The following RERE variants were observed in gnomAD, a reference collection of about 807,000 sequenced individuals.
RERE encodes the protein arginine-glutamic acid dipeptide repeats protein.
In RERE, 40 loss-of-function variants were observed where a neutral mutation model predicts 146.1. That is an observed-to-expected ratio of 0.27 (90% CI 0.21 to 0.36). The LOEUF (loss-of-function observed/expected upper bound fraction) is 0.36, where lower values mean the gene tolerates loss of function less well. Among genes scored for constraint, RERE ranks in the 10% least tolerant of loss-of-function variants. The probability of loss-of-function intolerance (pLI) is 1.00; values close to 1 mark genes in which losing one functional copy is unlikely to be tolerated. For synonymous variants in RERE, 1,003 were observed against 866.0 expected (o/e 1.16, Z -2.78); for missense variants, 1,933 against 2,138.7 (o/e 0.90, Z 1.90).
intron 11 of RERE, among the ~76,000 whole-genome samples, chr1:8,459,452 ATG>A (rs1228421043): frequency 1.3e-5 from 2 of 152,232 alleles, no homozygotes; most frequent in Non-Finnish European, 2.9e-5. Flanking sequence ...TCAATTTAAA[ATG>A]TACTAAGTAC....
chr1:8,420,296 A>AAG (rs555165121), intron 12 of RERE, among the ~76,000 whole-genome samples: 1 of 152,066 alleles, frequency 6.6e-6, no homozygotes, highest in Non-Finnish European at 1.5e-5. Flanking sequence ...CTCATTAAAA[A>AAG]AGAGAGAGAG....
chr1:8,486,125 A>G (rs1408217357), intron 10 of RERE, among the ~76,000 whole-genome samples: 2 of 152,118 alleles, frequency 1.3e-5, no homozygotes, highest in East Asian at 3.9e-4. Flanking sequence ...ACTTTCATAC[A>G]TGTCTCTCAG....
intron 12 of RERE, among the ~76,000 whole-genome samples, chr1:8,367,047 A>T (rs1399758386): frequency 6.6e-6 from 1 of 152,138 alleles, no homozygotes; most frequent in Non-Finnish European, 1.5e-5. Flanking sequence ...AGATGCTGGG[A>T]GTTGTCTTGG....
Position 8,511,292 on chromosome 1 carries a change from G to C in RERE, c.831-2617C>G, listed in dbSNP as rs1570368603. Among the ~76,000 whole-genome samples the C allele has an allele frequency of 2.0e-5, 3 of 152,154 alleles. No individual in the cohort carries two copies. The South Asian group carries it at 6.2e-4, about 32-fold the overall frequency. Reference sequence around the variant, plus strand: ...TTGAAAATTGTTTAAGTTTATAACAGGGAAGAGTACTAATAAGTAGGCTAT... The same window carrying C: ...TTGAAAATTGTTTAAGTTTATAACACGGAAGAGTACTAATAAGTAGGCTAT... On this transcript the variant is annotated intron_variant, in intron 7 of 22. Coordinates refer to ENST00000400908, the MANE Select transcript of RERE (RefSeq NM_001042681.2).
intron 1 of RERE, among the ~76,000 whole-genome samples, chr1:8,679,376 A>G (rs554869551): frequency 6.6e-6 from 1 of 152,328 alleles, no homozygotes; most frequent in South Asian, 2.1e-4. Context: ...AGGAAAAAAG[A>G]GCAAGAAACC....
rs1336368211 is a variant in RERE at position 8,796,002 on chromosome 1, AAC to A, written c.-145+21156_-145+21157del. 1.6e-3 allele frequency among the ~76,000 whole-genome samples: 244 copies of A among 151,020 alleles called. 7 individuals carry two copies. The highest frequency in any genetic ancestry group is 5.2e-3 in the African/African-American group (214 of 41,128). ...CGTCTCAAAAAAAAAAAAAAAACAA[AAC>A]AAAACAGGAATTATGTAGCATATAT... On this transcript the variant is annotated intron_variant, in intron 1 of 22. Transcript: ENST00000400908.
chr1:8,761,740 A>G (rs1403277765), intron 1 of RERE, among the ~76,000 whole-genome samples: 5 of 151,956 alleles, frequency 3.3e-5, no homozygotes, highest in Non-Finnish European at 7.4e-5. Context: ...CAACATGGAG[A>G]AACTCCCCCG....
intron 11 of RERE, among the ~76,000 whole-genome samples, chr1:8,462,735 G>A (rs1486224989): frequency 6.6e-6 from 1 of 152,186 alleles, no homozygotes; most frequent in African/African-American, 2.4e-5. Context: ...TAATATGCCA[G>A]CGGCAGCGAA....
chr1:8,670,707 C>T (rs1638692343), intron 1 of RERE, among the ~76,000 whole-genome samples: 1 of 152,108 alleles, frequency 6.6e-6, no homozygotes, highest in Non-Finnish European at 1.5e-5. Flanking sequence ...CAGAAGCATG[C>T]CTGGCATGTC....
intron 12 of RERE, among the ~76,000 whole-genome samples, chr1:8,413,670 AAACCC>A (rs1296331498): frequency 1.3e-5 from 2 of 152,140 alleles, no homozygotes; most frequent in Non-Finnish European, 2.9e-5. Context: ...GGGTGGAACA[AAACCC>A]AACTCTGCTG....
At chr1:8,417,140 T>C (rs1284578781) in intron 12 of RERE, among the ~76,000 whole-genome samples, 1 of 152,250 alleles carries the variant, frequency 6.6e-6, no homozygotes, top group African/African-American at 2.4e-5. Flanking sequence ...AAATTGTTTA[T>C]TTAAGGTTAT....
chr1:8,705,065 TC>T (rs2124446464), intron 1 of RERE, among the ~76,000 whole-genome samples: 1 of 152,350 alleles, frequency 6.6e-6, no homozygotes, highest in Non-Finnish European at 1.5e-5. Context: ...CTTCCAATTT[TC>T]TAACCAGCTA....
intron 1 of RERE, among the ~76,000 whole-genome samples, chr1:8,744,104 C>T (rs1020152717): frequency 3.9e-5 from 6 of 152,168 alleles, no homozygotes; most frequent in African/African-American, 1.4e-4. Context: ...AAATGAAAAG[C>T]TCTCAAAGTG....
At chr1:8,564,870 G>GTGTGTGTGTGTGTGTGTGTGTGTA (rs1269710840) in intron 4 of RERE, among the ~76,000 whole-genome samples, 1 of 127,340 alleles carries the variant, frequency 7.9e-6, no homozygotes. Flanking sequence ...GTGTGTGTGT[G>GTGTGTGTGTGTGTGTGTGTGTGTA]TATATATATA....
chr1:8,682,522 C>T (rs1638993812), intron 1 of RERE, among the ~76,000 whole-genome samples: 1 of 152,124 alleles, frequency 6.6e-6, no homozygotes. Flanking sequence ...CATAAACTTT[C>T]TCAAAATGAT....
chr1:8,459,838 A>G (rs147515828), intron 11 of RERE, among the ~76,000 whole-genome samples: 2 of 152,350 alleles, frequency 1.3e-5, no homozygotes, highest in African/African-American at 2.4e-5. Context: ...GGTTCGTACT[A>G]GATGACCTAC....
chr1:8,470,291 CT>C (rs1408311595), intron 10 of RERE, among the ~76,000 whole-genome samples: 1 of 152,090 alleles, frequency 6.6e-6, no homozygotes, highest in Non-Finnish European at 1.5e-5. Flanking sequence ...GAGATGGAGT[CT>C]CACTCTGTTG....
At chr1:8,614,166 A>C (rs145160000) in intron 4 of RERE, among the ~76,000 whole-genome samples, 1 of 152,256 alleles carries the variant, frequency 6.6e-6, no homozygotes, top group East Asian at 1.9e-4. Context: ...CAACACCCAA[A>C]ATAGTTTAGA....
chr1:8,680,261 G>C (rs746047361), intron 1 of RERE, among the ~76,000 whole-genome samples: 13 of 152,164 alleles, frequency 8.5e-5, no homozygotes, highest in Non-Finnish European at 1.6e-4. Context: ...ATATGCATAA[G>C]TTGCATTTCT....
Sources: allele counts gnomAD v4.1 joint callset (sites outside exome capture counted in the v4.1 genomes callset), GRCh38; gene constraint gnomAD v4.1.1; transcripts MANE v1.5; gene names NCBI Gene and HGNC (gene_info 2026-07-23, HGNC 2026-07-21).